The following GATA3 variants were observed in gnomAD, a reference collection of about 807,000 sequenced individuals.
The protein encoded by GATA3 is trans-acting T-cell-specific transcription factor GATA-3.
In GATA3, 6 loss-of-function variants were observed where a neutral mutation model predicts 36.0. That is an observed-to-expected ratio of 0.17 (90% CI 0.09 to 0.33). The LOEUF (loss-of-function observed/expected upper bound fraction) is 0.33, where lower values mean the gene tolerates loss of function less well. GATA3 is among the 10% of genes least tolerant of loss of function. The pLI is 1.00. For synonymous variants in GATA3, 326 were observed against 273.0 expected (o/e 1.19, Z -1.92); for missense variants, 514 against 610.1 (o/e 0.84, Z 1.66).
At position 8,055,554 on chromosome 10, in the gene GATA3, A is replaced by C. The variant is rs1588374496; in HGVS notation, c.-102A>C. 9.5e-5 allele frequency: 100 copies of C among 1,047,656 alleles called. No individual in the cohort carries two copies. Among genetic ancestry groups the C allele is most frequent in the East Asian group, 1.2e-4 (3 of 25,240 alleles). The allele number at this position is 1,047,656 out of a possible 1,614,324, so 64.9% of individuals were successfully genotyped here. A position where few individuals can be genotyped will look rare whatever the true frequency, so the allele number is the denominator to read the frequency against. On this transcript the variant is annotated 5_prime_UTR_variant, in exon 2 of 6. Transcript: ENST00000379328. This position sits in a 1 kb window ranked among gnomAD's most constrained non-coding sequence, Gnocchi z 5.4. Reference sequence around the variant, plus strand: ...AAAGCAAATCATTCAACGACCCCCGACCCTCCGACGGCAGGAGCCCCCCGA... The same window carrying C: ...AAAGCAAATCATTCAACGACCCCCGCCCCTCCGACGGCAGGAGCCCCCCGA...
At chr10:8,049,819 C>CAT (rs1832440402), upstream of GATA3, among the ~76,000 whole-genome samples, 1 of 152,140 alleles carries the variant, frequency 6.6e-6, no homozygotes, top group South Asian at 2.1e-4. Flanking sequence ...CTCCTCCCAC[C>CAT]ATAGGGAAGG....
At chr10:8,068,669 C>T (rs1832883460) in intron 4 of GATA3, among the ~76,000 whole-genome samples, 1 of 152,196 alleles carries the variant, frequency 6.6e-6, no homozygotes, top group South Asian at 2.1e-4. Context: ...AGGAGAATTG[C>T]TTCAAGCCGT....
chr10:8,050,976 G>T (rs1280083190), upstream of GATA3: 1 of 488,830 alleles, frequency 2.0e-6, no homozygotes, highest in Non-Finnish European at 4.2e-6. Flanking sequence ...GCCTGGAAGC[G>T]CCGGTTGCCT....
rs1479744809 is a variant in GATA3 at position 8,058,625 on chromosome 10, G to C, written c.562G>C (p.Val188Leu). The change falls in exon 3 of 6, where the codon GTG becomes CTG. Residue 188 changes from valine (V) to leucine (L), a missense_variant. By Grantham distance (32) the Val-to-Leu change is conservative. This residue lies in a region of GATA3 where 381 missense variants were observed against 354.3 expected (regional missense o/e 1.08). Transcript: ENST00000379328. ...QDEKECLKYQ[V>L]PLPDSMKLES... ...CGAGAAAGAGTGCCTCAAGTACCAG[G>C]TGCCCCTGCCCGACAGCATGAAGCT... The C allele has an allele frequency of 1.2e-6, 2 of 1,612,538 alleles. No individual in the cohort carries two copies. Among genetic ancestry groups the C allele is most frequent in the African/African-American group, 2.7e-5 (2 of 74,884 alleles).
rs1588374496 is a variant in GATA3, at chr10:8,055,554, A to G, written c.-102A>G. ...AAAGCAAATCATTCAACGACCCCCG[A>G]CCCTCCGACGGCAGGAGCCCCCCGA... On this transcript the variant is annotated 5_prime_UTR_variant, in exon 2 of 6. Transcript: ENST00000379328. The surrounding 1 kb of genome is among the most constrained non-coding windows in gnomAD (Gnocchi z 5.4). The G allele has an allele frequency of 1.9e-6, 2 of 1,048,000 alleles. No individual in the cohort carries two copies. The highest frequency in any genetic ancestry group is 2.6e-6 in the Non-Finnish European group (2 of 773,298). 64.9% of individuals were successfully genotyped at this position (1,048,000 alleles called of 1,614,324 possible).
chr10:8,047,813 G>C (rs1480088060), intron 1 of GATA3, among the ~76,000 whole-genome samples: 1 of 152,168 alleles, frequency 6.6e-6, no homozygotes, highest in South Asian at 2.1e-4. Context: ...GGAGGGAGGG[G>C]CTGCGGGTAG....
In GATA3 at chr10:8,055,620, C is replaced by T. The variant is rs1484753980; in HGVS notation, c.-36C>T. 1 of 1,540,904 alleles carries T rather than the reference C, an allele frequency of 6.5e-7. No individual in the cohort carries two copies. The highest frequency in any genetic ancestry group is 2.0e-5 in the Admixed American group (1 of 50,964). On this transcript the variant is annotated 5_prime_UTR_variant, in exon 2 of 6. Coordinates refer to ENST00000379328, the MANE Select transcript of GATA3 (RefSeq NM_001002295.2). This position sits in a 1 kb window ranked among gnomAD's most constrained non-coding sequence, Gnocchi z 5.4. ...GCCCTCCCTCCCCGCGCGCGGGTTC[C>T]GGGCCCGGCGAGAGGGCGCGAGCAC...
chr10:8,072,839 A>G (rs1183992515), intron 5 of GATA3, among the ~76,000 whole-genome samples: 2 of 152,162 alleles, frequency 1.3e-5, no homozygotes, highest in East Asian at 3.9e-4. Flanking sequence ...TGCTGTTGGA[A>G]TGACACAGGC....
In GATA3 at chr10:8,074,221, T is replaced by G; in HGVS notation, c.*198T>G. On this transcript the variant is annotated 3_prime_UTR_variant, in exon 6 of 6. Transcript: ENST00000379328. The stretch of plus-strand genomic sequence containing the variant: ...TTCCAACCACTGAATCTGGACCCCA[T>G]CTGTGAATAAGCCATTCTGACTCAT... 1 of 620,732 alleles carries G rather than the reference T, an allele frequency of 1.6e-6. No individual in the cohort carries two copies. Among genetic ancestry groups the G allele is most frequent in the Non-Finnish European group, 2.8e-6 (1 of 359,136 alleles). The allele number at this position is 620,732 out of a possible 1,614,324, so 38.5% of individuals were successfully genotyped here.
Position 8,074,263 on chromosome 10 carries a change from G to T in GATA3, c.*240G>T. 1.9e-6 allele frequency: 1 copy of T among 540,002 alleles called. No individual in the cohort carries two copies. Among genetic ancestry groups the T allele is most frequent in the Non-Finnish European group, 3.2e-6 (1 of 310,908 alleles). 33.5% of individuals were successfully genotyped at this position (540,002 alleles called of 1,614,324 possible). ...CTGACTCATATCCCCTATTTAACAG[G>T]GTCTCTAGTGCTGTGAAAAAAAAAA... On this transcript the variant is annotated 3_prime_UTR_variant, in exon 6 of 6. Transcript: ENST00000379328.
intron 3 of GATA3, among the ~76,000 whole-genome samples, chr10:8,061,021 G>A (rs1011029882): frequency 6.6e-6 from 1 of 151,946 alleles, no homozygotes; most frequent in Admixed American, 6.6e-5. Flanking sequence ...GGGGGTGGAG[G>A]TGGTGGGAAT....
intron 5 of GATA3, among the ~76,000 whole-genome samples, chr10:8,072,143 C>T (rs11567936): frequency 1.4e-3 from 213 of 152,314 alleles, no homozygotes; most frequent in African/African-American, 5.0e-3. Context: ...AAAATAAGGT[C>T]TCAGCTCCAG....
chr10:8,073,258 G>T (rs1192842227), intron 5 of GATA3, among the ~76,000 whole-genome samples: 1 of 151,474 alleles, frequency 6.6e-6, no homozygotes, highest in African/African-American at 2.4e-5. Flanking sequence ...CCTCTTAAAG[G>T]CCAGGTAGAA....
chr10:8,073,911 C>T lies in GATA3; in HGVS notation c.1223C>T (p.Ser408Leu), dbSNP rs752977342. The change falls in exon 6 of 6, where the codon TCG becomes TTG. Residue 408 changes from serine to leucine, a missense_variant. By Grantham distance (145) the Ser-to-Leu change is moderately radical. Transcript: ENST00000379328. ...CACATGTCCTCCCTGAGCCACATCT[C>T]GCCCTTCAGCCACTCCAGCCACATG... ...SRHMSSLSHI[S>L]PFSHSSHMLT... 6.1e-5 allele frequency: 98 copies of T among 1,614,018 alleles called. No homozygotes were observed. The highest frequency in any genetic ancestry group is 7.9e-5 in the Non-Finnish European group (93 of 1,180,036).
intron 4 of GATA3, among the ~76,000 whole-genome samples, chr10:8,065,866 A>AG (rs372721860): frequency 2.8e-5 from 1 of 36,296 alleles, no homozygotes; most frequent in African/African-American, 8.0e-5. Flanking sequence ...GAAGTGTTTG[A>AG]AAAAAAAAAA....
At chr10:8,050,839 C>G (rs1214997678), upstream of GATA3, 2 of 412,906 alleles carry the variant, frequency 4.8e-6, no homozygotes, top group Non-Finnish European at 9.8e-6. Flanking sequence ...GGCACGCTCT[C>G]TCCCCCTCCG....
At chr10:8,056,364 G>T (rs1375380909) in intron 2 of GATA3, among the ~76,000 whole-genome samples, 2 of 152,244 alleles carry the variant, frequency 1.3e-5, no homozygotes, top group African/African-American at 2.4e-5. Flanking sequence ...AGGCGGGTGG[G>T]CGGGGTGGAG....
upstream of GATA3, chr10:8,050,781 CAA>C: frequency 2.9e-6 from 1 of 343,208 alleles, no homozygotes; most frequent in Non-Finnish European, 6.0e-6. Flanking sequence ...GCTCTGCTTG[CAA>C]AGTCTTTAAG....
chr10:8,066,231 A>G (rs1254477957), intron 4 of GATA3, among the ~76,000 whole-genome samples: 1 of 152,174 alleles, frequency 6.6e-6, no homozygotes, highest in Non-Finnish European at 1.5e-5. Context: ...CATTTTATGC[A>G]ATTTTATCTC....
Sources: allele counts gnomAD v4.1 joint callset (sites outside exome capture counted in the v4.1 genomes callset), GRCh38; gene constraint gnomAD v4.1.1; regional missense constraint gnomAD v4.1.1; non-coding constraint Gnocchi (gnomAD v3.1); transcripts MANE v1.5; gene names NCBI Gene and HGNC (gene_info 2026-07-23, HGNC 2026-07-21).